The following SPPL3 variants were observed in gnomAD, a reference collection of about 807,000 sequenced individuals.
The protein encoded by SPPL3 is signal peptide peptidase like 3.
A neutral mutation model predicts 42.4 loss-of-function variants in SPPL3; 5 were observed. That is an observed-to-expected ratio of 0.12 (90% confidence interval 0.06 to 0.25). The LOEUF (loss-of-function observed/expected upper bound fraction) is 0.25, where lower values mean the gene tolerates loss of function less well. Ranked by LOEUF, SPPL3 falls within the 10% of genes least tolerant of loss-of-function variation. SPPL3 has a pLI of 1.00. For missense variants in SPPL3, 235 were observed against 489.0 expected, an observed-to-expected ratio of 0.48 and a Z score of 4.90; for synonymous variants, 195 against 181.8, an observed-to-expected ratio of 1.07 and a Z score of -0.58.
At chr12:120,803,810 T>C (rs1870405310) in intron 2 of SPPL3, among the ~76,000 whole-genome samples, 1 of 152,162 alleles carries the variant, frequency 6.6e-6, no homozygotes, top group Non-Finnish European at 1.5e-5. Flanking sequence ...CCCTACGTCA[T>C]CTAACAAGTT....
Position 120,889,618 on chromosome 12 carries a change from G to A in SPPL3, c.23+14227C>T, listed in dbSNP as rs1211970453. ...AGTCATCTCAATCAACTTACAGATCGGAAGAAGCAGAGTTGCACCAGCCAA... is the reference window on the plus strand; with the variant it reads ...AGTCATCTCAATCAACTTACAGATCAGAAGAAGCAGAGTTGCACCAGCCAA... On this transcript the variant is annotated intron_variant, in intron 1 of 10. Transcript: ENST00000353487. Among the ~76,000 whole-genome samples the A allele has an allele frequency of 3.9e-5, 6 of 152,294 alleles. No individual in the cohort carries two copies. In the East Asian group the frequency reaches 7.7e-4, roughly 20 times the overall value.
intron 2 of SPPL3, among the ~76,000 whole-genome samples, chr12:120,802,379 G>GTATA (rs1222860105): frequency 1.1e-4 from 15 of 130,710 alleles, no homozygotes; most frequent in African/African-American, 4.8e-4. Flanking sequence ...ACATATATAT[G>GTATA]TATATATATA....
At chr12:120,901,962 T>A in intron 1 of SPPL3, 2 of 984,722 alleles carry the variant, frequency 2.0e-6, no homozygotes, top group Non-Finnish European at 2.4e-6. Context: ...TACAGCACAG[T>A]AAAAACAGCA....
chr12:120,768,845 G>A (rs2136967000), intron 7 of SPPL3, 108 bp downstream of exon 7: 1 of 911,960 alleles, frequency 1.1e-6, no homozygotes, highest in South Asian at 1.6e-5. Flanking sequence ...AGAGTGATCA[G>A]CAGCTGGGCA....
chr12:120,884,549 T>TA (rs1440059658), intron 1 of SPPL3, among the ~76,000 whole-genome samples: 1 of 89,188 alleles, frequency 1.1e-5, no homozygotes, highest in East Asian at 1.0e-3. Context: ...CTTGTATAAT[T>TA]TAAAAAAAAA....
chr12:120,818,641 C>T (rs1394205622), intron 1 of SPPL3, among the ~76,000 whole-genome samples: 2 of 152,142 alleles, frequency 1.3e-5, no homozygotes, highest in East Asian at 1.9e-4. Flanking sequence ...CATTCTTGTC[C>T]ACCCCAAAAC....
intron 1 of SPPL3, among the ~76,000 whole-genome samples, chr12:120,887,876 C>T (rs922691408): frequency 5.3e-5 from 8 of 152,084 alleles, no homozygotes; most frequent in Admixed American, 3.3e-4. Context: ...TTGGTGAAGA[C>T]GTGGAGAAAT....
At chr12:120,856,117 G>A (rs547854340) in intron 1 of SPPL3, among the ~76,000 whole-genome samples, 4 of 152,296 alleles carry the variant, frequency 2.6e-5, no homozygotes, top group African/African-American at 7.2e-5. Context: ...TTAATCTGTA[G>A]TTGTACTTAA....
chr12:120,779,855 A>C (rs1827642212), intron 6 of SPPL3, among the ~76,000 whole-genome samples: 1 of 144,470 alleles, frequency 6.9e-6, no homozygotes, highest in African/African-American at 2.6e-5. Context: ...AAAATTAGCA[A>C]GGTGTGGTGG....
chr12:120,845,683 T>C (rs1872003799), intron 1 of SPPL3: 2 of 315,362 alleles, frequency 6.3e-6, no homozygotes, highest in Non-Finnish European at 1.3e-5. Context: ...GGAAGGACGC[T>C]GGGAAGGGTA....
At chr12:120,805,881 G>A (rs1870471748) in intron 2 of SPPL3, among the ~76,000 whole-genome samples, 1 of 151,864 alleles carries the variant, frequency 6.6e-6, no homozygotes, top group Non-Finnish European at 1.5e-5. Context: ...CTAAATTAAA[G>A]AATATCTAAA....
At chr12:120,888,330 C>A (rs1873528161) in intron 1 of SPPL3, among the ~76,000 whole-genome samples, 1 of 152,196 alleles carries the variant, frequency 6.6e-6, no homozygotes, top group Admixed American at 6.5e-5. Context: ...CCTGCCTCAG[C>A]CTTTCAAAGT....
At chr12:120,801,796 T>C (rs1870306041) in intron 2 of SPPL3, among the ~76,000 whole-genome samples, 1 of 152,212 alleles carries the variant, frequency 6.6e-6, no homozygotes, top group Non-Finnish European at 1.5e-5. Flanking sequence ...AGCCTTGAAC[T>C]GGGTAAGGTC....
intron 1 of SPPL3, among the ~76,000 whole-genome samples, chr12:120,831,652 C>T (rs1267105142): frequency 6.6e-6 from 1 of 152,158 alleles, no homozygotes; most frequent in Non-Finnish European, 1.5e-5. Flanking sequence ...TAGGTGTGTG[C>T]TTAATAAAAA....
At chr12:120,804,970 TA>T in intron 2 of SPPL3, among the ~76,000 whole-genome samples, 1 of 152,222 alleles carries the variant, frequency 6.6e-6, no homozygotes, top group Non-Finnish European at 1.5e-5. Flanking sequence ...AAGAAGCCAG[TA>T]ACAAAAGGTC....
chr12:120,846,165 C>T (rs1486752211), intron 1 of SPPL3, among the ~76,000 whole-genome samples: 1 of 152,132 alleles, frequency 6.6e-6, no homozygotes, highest in Non-Finnish European at 1.5e-5. Context: ...TCTGTGAGAG[C>T]AGGGGCCTTG....
chr12:120,852,432 CATATGAA>C (rs1872265761), intron 1 of SPPL3, among the ~76,000 whole-genome samples: 6 of 9,822 alleles, frequency 6.1e-4, no homozygotes, highest in Non-Finnish European at 7.5e-4. Context: ...ACATATTTTA[CATATGAA>C]ATATATGTAT....
chr12:120,768,303 C>T (rs368417609), intron 8 of SPPL3, 22 bp downstream of exon 8: 8 of 1,601,460 alleles, frequency 5.0e-6, no homozygotes, highest in Non-Finnish European at 6.0e-6. Context: ...CAGTGTGGTC[C>T]TGTCATAGCA....
intron 2 of SPPL3, among the ~76,000 whole-genome samples, chr12:120,798,880 A>AGC (rs1870196338): frequency 6.6e-6 from 1 of 152,146 alleles, no homozygotes; most frequent in Non-Finnish European, 1.5e-5. Flanking sequence ...TCTTTGGTTT[A>AGC]ACCCTAGGCA....
Sources: allele counts gnomAD v4.1 joint callset (sites outside exome capture counted in the v4.1 genomes callset), GRCh38; gene constraint gnomAD v4.1.1; transcripts MANE v1.5; gene names NCBI Gene and HGNC (gene_info 2026-07-23, HGNC 2026-07-21).